SLC4A5: variants seen among roughly 807,000 people sequenced by gnomAD.
SLC4A5 encodes the protein solute carrier family 4 member 5.
A neutral mutation model predicts 120.4 loss-of-function variants in SLC4A5; 96 were observed. The ratio of observed to expected loss-of-function variants is 0.80; its 90% CI spans 0.68 to 0.94. The LOEUF is 0.94. Ranked by LOEUF, SLC4A5 falls within the 40% of genes least tolerant of loss-of-function variation. The pLI, the probability that SLC4A5 is intolerant of heterozygous loss-of-function variation, is 0.00. For missense variants in SLC4A5, 1,259 were observed against 1,459.5 expected (o/e 0.86, Z 2.24); for synonymous variants, 550 against 571.1 (o/e 0.96, Z 0.53).
intron 9 of SLC4A5, among the ~76,000 whole-genome samples, 158 bp downstream of exon 9, chr2:74,264,946 G>A (rs1007555073): frequency 6.6e-6 from 1 of 152,192 alleles, no homozygotes. Flanking sequence ...GAGTGACTAT[G>A]ATCCTGCCCT....
intron 23 of SLC4A5, 57 bp from the exon 24 acceptor site, chr2:74,232,704 T>G: frequency 1.3e-6 from 2 of 1,587,616 alleles, no homozygotes; most frequent in South Asian, 2.3e-5. Flanking sequence ...TCCTCCTGGA[T>G]GCAACCATTC....
chr2:74,315,810 A>T (rs946677929), intron 5 of SLC4A5, among the ~76,000 whole-genome samples: 1 of 151,858 alleles, frequency 6.6e-6, no homozygotes, highest in Non-Finnish European at 1.5e-5. Flanking sequence ...GAAAAAGAAA[A>T]AACAAAAGCA....
chr2:74,330,869 G>GGT (rs541588635), intron 4 of SLC4A5, among the ~76,000 whole-genome samples: 5,084 of 41,640 alleles, frequency 0.12, 1,890 homozygotes, highest in Non-Finnish European at 0.14. Context: ...GTGAGGTATA[G>GGT]GAGGTGGTGA....
chr2:74,216,538 CTG>C (rs1694450412), exon 31 of SLC4A5: 1 of 152,190 alleles, frequency 6.6e-6, no homozygotes, highest in African/African-American at 2.4e-5. Context: ...GGTTTTAAAA[CTG>C]AAATGTGTTA....
intron 29 of SLC4A5, 65 bp downstream of exon 29, chr2:74,222,803 G>T: frequency 7.2e-7 from 1 of 1,395,934 alleles, no homozygotes; most frequent in Non-Finnish European, 1.0e-6. Flanking sequence ...ACAGATGAAA[G>T]TTCCTAGGGG....
exon 9 of SLC4A5, chr2:74,265,210 G>T: frequency 6.2e-7 from 1 of 1,614,204 alleles, no homozygotes; most frequent in Middle Eastern, 1.6e-4. Context: ...TGGACACGTG[G>T]GGCTTGCTCC....
At chr2:74,225,292 ATTC>A (rs1694804772) in intron 27 of SLC4A5, among the ~76,000 whole-genome samples, 2 of 152,146 alleles carry the variant, frequency 1.3e-5, no homozygotes, top group Non-Finnish European at 2.9e-5. Flanking sequence ...AACTACAGTT[ATTC>A]TTTAAATTAG....
In SLC4A5 at chr2:74,305,110, A is replaced by G. The variant is rs80264161; in HGVS notation, c.80-430T>C. Among the ~76,000 whole-genome samples the G allele has an allele frequency of 3.2e-4, 49 of 152,334 alleles. No homozygotes were observed. In the East Asian group the frequency reaches 8.7e-3, roughly 27 times the overall value. ...ATTTTTACTAACAATCAAGGACTAC[A>G]TAGACTACTTATCAGAAAAGTGAGT... On this transcript the variant is annotated intron_variant, in intron 6 of 30. Transcript: ENST00000394019.
chr2:74,315,922 C>T (rs2104301040), intron 5 of SLC4A5, among the ~76,000 whole-genome samples: 1 of 152,070 alleles, frequency 6.6e-6, no homozygotes, highest in East Asian at 1.9e-4. Flanking sequence ...AAATTCATGC[C>T]AATTAATTTT....
exon 10 of SLC4A5, chr2:74,264,195 G>A (rs1671228965): frequency 1.9e-6 from 3 of 1,614,212 alleles, no homozygotes; most frequent in Admixed American, 1.7e-5. Context: ...CGGTGGATGG[G>A]CTTCTTGGTT....
At chr2:74,300,200 G>A (rs1672437226) in intron 7 of SLC4A5, among the ~76,000 whole-genome samples, 1 of 152,186 alleles carries the variant, frequency 6.6e-6, no homozygotes, top group South Asian at 2.1e-4. Flanking sequence ...TGTTTACCAG[G>A]GGTCGGATGT....
exon 19 of SLC4A5, chr2:74,247,094 C>A: frequency 6.2e-7 from 1 of 1,614,138 alleles, no homozygotes; most frequent in Non-Finnish European, 8.5e-7. Flanking sequence ...GCTTGAAGTC[C>A]ATATTGATAG....
intron 7 of SLC4A5, among the ~76,000 whole-genome samples, chr2:74,295,160 A>C (rs924720927): frequency 6.7e-6 from 1 of 150,156 alleles, no homozygotes; most frequent in Admixed American, 6.7e-5. Flanking sequence ...CGCTGAGGAG[A>C]GGGGGCTCAG....
At chr2:74,227,036 A>G in exon 27 of SLC4A5, 1 of 1,614,160 alleles carries the variant, frequency 6.2e-7, no homozygotes, top group Non-Finnish European at 8.5e-7. Flanking sequence ...CACCAGGGTG[A>G]AGAGGTGGAT....
intron 8 of SLC4A5, among the ~76,000 whole-genome samples, chr2:74,283,298 A>G (rs1671871201): frequency 6.6e-6 from 1 of 152,210 alleles, no homozygotes; most frequent in Non-Finnish European, 1.5e-5. Flanking sequence ...TCTATAAAAT[A>G]GGGATAATGA....
At chr2:74,253,662 T>C (rs1396322852) in intron 14 of SLC4A5, among the ~76,000 whole-genome samples, 1 of 151,994 alleles carries the variant, frequency 6.6e-6, no homozygotes, top group African/African-American at 2.4e-5. Context: ...ATAAACACAC[T>C]CTTTGAGGCC....
exon 8 of SLC4A5, chr2:74,285,842 G>A: frequency 1.2e-6 from 2 of 1,612,846 alleles, no homozygotes; most frequent in Non-Finnish European, 8.5e-7. Flanking sequence ...AAAGAGGGTG[G>A]GGTTGGGAGC....
intron 4 of SLC4A5, among the ~76,000 whole-genome samples, chr2:74,332,417 G>C (rs1673385119): frequency 6.6e-6 from 1 of 152,148 alleles, no homozygotes; most frequent in African/African-American, 2.4e-5. Flanking sequence ...CTTTTCAACT[G>C]CATGAAGACC....
At chr2:74,342,294 C>T (rs1233381297) in intron 2 of SLC4A5, among the ~76,000 whole-genome samples, 164 bp downstream of exon 2, 1 of 152,186 alleles carries the variant, frequency 6.6e-6, no homozygotes, top group Non-Finnish European at 1.5e-5. Flanking sequence ...ATGAGTGTCT[C>T]CATTGCTAAG....
Sources: gnomAD v4.1 joint callset for allele counts (sites outside exome capture counted in the v4.1 genomes callset) on GRCh38, gnomAD v4.1.1 for gene constraint, MANE v1.5 for transcripts, NCBI Gene and HGNC (gene_info 2026-07-23, HGNC 2026-07-21) for gene names.